CREB3L4: variants seen among roughly 807,000 people sequenced by gnomAD.
CREB3L4 encodes the protein cyclic AMP-responsive element-binding protein 3-like protein 4.
In CREB3L4, 28 loss-of-function variants were observed where a neutral mutation model predicts 37.0. That is an observed-to-expected ratio of 0.76 (90% CI 0.56 to 1.04). The LOEUF is 1.04. CREB3L4 is among the 50% of genes least tolerant of loss of function. CREB3L4 has a pLI of 0.00. For missense variants in CREB3L4, 462 were observed against 486.0 expected (o/e 0.95, Z 0.46); for synonymous variants, 175 against 192.2 (o/e 0.91, Z 0.74).
At chr1:153,967,900 C>G (rs1198546514), upstream of CREB3L4, 1 of 152,270 alleles carries the variant, frequency 6.6e-6, no homozygotes, top group South Asian at 2.1e-4. Flanking sequence ...TTGACTCTTT[C>G]CGCCTTTGTT....
chr1:153,968,507 C>G lies in CREB3L4; in HGVS notation c.-4-15C>G. 1 of 1,609,378 alleles carries G rather than the reference C, an allele frequency of 6.2e-7. No homozygotes were observed. The highest frequency in any genetic ancestry group is 1.1e-5 in the South Asian group (1 of 90,918). Reference sequence around the variant, plus strand: ...TCCGTTTCTGCAACCCTCCGTCCCACACGCCTTCCTGCAGAAGCATGGATC... The same window carrying G: ...TCCGTTTCTGCAACCCTCCGTCCCAGACGCCTTCCTGCAGAAGCATGGATC... On this transcript the variant is annotated splice_polypyrimidine_tract_variant and intron_variant, in intron 1 of 9. Transcript: ENST00000368607.
upstream of CREB3L4, chr1:153,967,846 C>T (rs1024442342): frequency 6.6e-6 from 1 of 152,120 alleles, no homozygotes; most frequent in Non-Finnish European, 1.5e-5. Flanking sequence ...GGGAAGAGCG[C>T]CACGCGGTGG....
At position 153,974,254 on chromosome 1, in the gene CREB3L4, G is replaced by C; in HGVS notation, c.*189G>C. 1.8e-6 allele frequency: 1 copy of C among 549,126 alleles called. No individual in the cohort carries two copies. The highest frequency in any genetic ancestry group is 3.2e-6 in the Non-Finnish European group (1 of 310,244). The allele number at this position is 549,126 out of a possible 1,614,324, so 34.0% of individuals were successfully genotyped here. ...TCTGCATTTGTTTGCATATATGAGA[G>C]GGTACCTCAAATACTTCTGTTATGT... On this transcript the variant is annotated 3_prime_UTR_variant, in exon 10 of 10. Transcript: ENST00000368607.
intron 5 of CREB3L4, 60 bp from the exon 6 acceptor site, chr1:153,972,912 A>C: frequency 6.3e-7 from 1 of 1,597,794 alleles, no homozygotes; most frequent in Non-Finnish European, 8.6e-7. Context: ...TCCCAGGAGA[A>C]GCATTGGGGA....
At chr1:153,970,887 A>G (rs1457343556) in intron 4 of CREB3L4, among the ~76,000 whole-genome samples, 3 of 149,734 alleles carry the variant, frequency 2.0e-5, no homozygotes, top group Non-Finnish European at 4.4e-5. Flanking sequence ...TGGGACAACA[A>G]GTGTGCGCCT....
Position 153,973,617 on chromosome 1 carries a change from C to T in CREB3L4, c.898-3C>T. Reference sequence around the variant, plus strand: ...TTCATCTGTTCCTCTTGCTTCCTCCCAGATTCTTCTTTTTTCCCTGGCTCT... The same window carrying T: ...TTCATCTGTTCCTCTTGCTTCCTCCTAGATTCTTCTTTTTTCCCTGGCTCT... On this transcript the variant is annotated splice_polypyrimidine_tract_variant and splice_region_variant and intron_variant, in intron 8 of 9. Coordinates refer to ENST00000368607, the MANE Select transcript of CREB3L4 (RefSeq NM_001255978.2). The T allele has an allele frequency of 6.2e-7, 1 of 1,611,524 alleles. No individual in the cohort carries two copies. The highest frequency in any genetic ancestry group is 8.5e-7 in the Non-Finnish European group (1 of 1,178,546).
At position 153,974,022 on chromosome 1, in the gene CREB3L4, C is replaced by T; in HGVS notation, c.1145C>T (p.Pro382Leu). 3 of 1,614,086 alleles carry T rather than the reference C, an allele frequency of 1.9e-6. No homozygotes were observed. The highest frequency in any genetic ancestry group is 2.5e-6 in the Non-Finnish European group (3 of 1,180,000). Residue 382 changes from proline (P) to leucine (L), a missense_variant, in exon 10 of 10, where the codon CCC (proline) becomes CTC (leucine). Transcript: ENST00000368607. ...LLEKMGGKPR[P>L]SGRIRSVLHA... is the part of the protein sequence containing the mutation. ...GAGAAGATGGGAGGGAAGCCAAGAC[C>T]CAGTGGGCGCATCCGGTCCGTGCTG...
At chr1:153,968,793 C>T in intron 2 of CREB3L4, 94 bp downstream of exon 2, 1 of 1,551,580 alleles carries the variant, frequency 6.4e-7, no homozygotes, top group East Asian at 2.3e-5. Context: ...TGAAAACAGA[C>T]CACCCCCAAA....
At chr1:153,968,326 G>T (rs576723905) in intron 1 of CREB3L4, 162 bp downstream of exon 1, 24 of 556,112 alleles carry the variant, frequency 4.3e-5, no homozygotes, top group Non-Finnish European at 6.7e-5. Flanking sequence ...GCTTGGGGGG[G>T]GCCTCTTTGT....
intron 9 of CREB3L4, 77 bp from the exon 10 acceptor site, chr1:153,973,795 G>C (rs1363926327): frequency 6.4e-7 from 1 of 1,564,710 alleles, no homozygotes; most frequent in Non-Finnish European, 8.8e-7. Flanking sequence ...CAAGAAGCAA[G>C]AGGGAGGTCC....
At position 153,968,320 on chromosome 1, in the gene CREB3L4, G is replaced by A. The variant is rs180971357; in HGVS notation, c.-5+156G>A. On this transcript the variant is annotated intron_variant, in intron 1 of 9. Coordinates refer to ENST00000368607, the MANE Select transcript of CREB3L4 (RefSeq NM_001255978.2). ...GGGCTCTTCAGAACAGGTAATGCTT[G>A]GGGGGGGCCTCTTTGTCTAAACCTG... 2.6e-5 allele frequency: 14 copies of A among 543,966 alleles called. No individual in the cohort carries two copies. The South Asian group carries it at 2.8e-4, about 11-fold the overall frequency. The allele number at this position is 543,966 out of a possible 1,614,324, so 33.7% of individuals were successfully genotyped here.
chr1:153,970,271 A>C (rs1242233244), intron 4 of CREB3L4, among the ~76,000 whole-genome samples: 1 of 152,090 alleles, frequency 6.6e-6, no homozygotes, highest in Non-Finnish European at 1.5e-5. Flanking sequence ...GGGAGAAAGA[A>C]CCCTTGGGGG....
chr1:153,972,681 G>T (rs1648490784), intron 4 of CREB3L4, 63 bp from the exon 5 acceptor site: 3 of 1,337,312 alleles, frequency 2.2e-6, no homozygotes, highest in African/African-American at 1.4e-5. Flanking sequence ...AGTAGCCTGG[G>T]TGCTGCAAAT....
intron 4 of CREB3L4, among the ~76,000 whole-genome samples, chr1:153,971,646 A>G (rs1263397505): frequency 8.0e-6 from 1 of 124,608 alleles, no homozygotes; most frequent in Non-Finnish European, 1.6e-5. Flanking sequence ...CCTCATTTTC[A>G]GTGATTTTGA....
At position 153,968,949 on chromosome 1, in the gene CREB3L4, C is replaced by A; in HGVS notation, c.194C>A (p.Pro65His). The A allele has an allele frequency of 6.2e-7, 1 of 1,612,408 alleles. No homozygotes were observed. Among genetic ancestry groups the A allele is most frequent in the Non-Finnish European group, 8.5e-7 (1 of 1,178,968 alleles). Residue 65 changes from proline (P) to histidine (H), a missense_variant, in exon 3 of 10, where the codon CCT becomes CAT. Coordinates refer to ENST00000368607, the MANE Select transcript of CREB3L4 (RefSeq NM_001255978.2). ...DRGCGLQESE[P>H]EDFLKLFIDP... Reference sequence around the variant, plus strand: ...CTGTAGGGCCTTCAAGAGAGTGAGCCTGAAGATTTCTTGAAGCTTTTCATT... The same window carrying A: ...CTGTAGGGCCTTCAAGAGAGTGAGCATGAAGATTTCTTGAAGCTTTTCATT...
rs1287861879 is a variant in CREB3L4, at chr1:153,968,696, C to T, written c.171C>T (p.Gly57=). The stretch of plus-strand genomic sequence containing the variant: ...GCTGGAAGTCCGGTGGGGACCGTGG[C>T]TGTGTGAGTGTGACGAGTGGGAGTG... ...LQGWKSGGDR[G]CGLQESEPED... The change falls in exon 2 of 10, where the codon GGC becomes GGT. Residue 57 remains glycine, a synonymous_variant. Transcript: ENST00000368607. 1 of 1,613,512 alleles carries T rather than the reference C, an allele frequency of 6.2e-7. No individual in the cohort carries two copies. Among genetic ancestry groups the T allele is most frequent in the Admixed American group, 1.7e-5 (1 of 59,968 alleles).
upstream of CREB3L4, chr1:153,967,504 G>T (rs12027029): frequency 6.6e-6 from 1 of 152,152 alleles, no homozygotes; most frequent in African/African-American, 2.4e-5. Context: ...AAGTCCCGCC[G>T]GCCGGACGCA....
chr1:153,973,157 C>G, intron 6 of CREB3L4, 38 bp from the exon 7 acceptor site: 1 of 1,612,168 alleles, frequency 6.2e-7, no homozygotes, highest in Non-Finnish European at 8.5e-7. Context: ...GTAAGGGACT[C>G]AGGTTGCTGA....
Position 153,972,804 on chromosome 1 carries a change from G to C in CREB3L4, c.604G>C (p.Val202Leu). 6.2e-7 allele frequency: 1 copy of C among 1,613,832 alleles called. No homozygotes were observed. Among genetic ancestry groups the C allele is most frequent in the Non-Finnish European group, 8.5e-7 (1 of 1,179,926 alleles). The change falls in exon 5 of 10, where the codon GTT becomes CTT. Residue 202 changes from valine to leucine, a missense_variant. Transcript: ENST00000368607. ...GAAGCGTCTGCTGGGGCAGGAAGGG[G>C]TTTCCCTGCCCTCTCACCTGCCCCT... ...EEKRLLGQEG[V>L]SLPSHLPLTK...
Sources: gnomAD v4.1 joint callset for allele counts (sites outside exome capture counted in the v4.1 genomes callset) on GRCh38, gnomAD v4.1.1 for gene constraint, MANE v1.5 for transcripts, NCBI Gene and HGNC (gene_info 2026-07-23, HGNC 2026-07-21) for gene names.